AGBL4: variants seen among roughly 807,000 people sequenced by gnomAD.
The protein encoded by AGBL4 is cytosolic carboxypeptidase 6.
Under a neutral mutation model 66.4 loss-of-function variants are expected in AGBL4, and 58 were observed. The observed-to-expected ratio is 0.87, with a 90% CI of 0.71 to 1.09. The LOEUF is 1.09. AGBL4 is among the 50% of genes least tolerant of loss of function. The probability of loss-of-function intolerance (pLI) is 0.00; values close to 1 mark genes in which losing one functional copy is unlikely to be tolerated. For missense variants in AGBL4, 579 were observed against 631.0 expected (o/e 0.92, Z 0.88); for synonymous variants, 234 against 222.9 (o/e 1.05, Z -0.44).
intron 4 of AGBL4, among the ~76,000 whole-genome samples, chr1:49,207,521 TTCTC>T (rs1204596980): frequency 2.0e-5 from 3 of 149,184 alleles, no homozygotes; most frequent in East Asian, 2.0e-4. Context: ...CTTTCTTTCT[TTCTC>T]TCTTTCTTTT....
At chr1:49,054,205 G>T (rs1188088304) in intron 4 of AGBL4, among the ~76,000 whole-genome samples, 1 of 151,924 alleles carries the variant, frequency 6.6e-6, no homozygotes, top group East Asian at 1.9e-4. Flanking sequence ...ATTAGCAGAA[G>T]AACTAAAACC....
chr1:49,028,750 C>T (rs1663945213), intron 5 of AGBL4, among the ~76,000 whole-genome samples: 1 of 152,102 alleles, frequency 6.6e-6, no homozygotes, highest in East Asian at 1.9e-4. Flanking sequence ...TAGACAAAGA[C>T]ATTGCCAAAG....
At chr1:49,115,526 T>C (rs1645500451) in intron 4 of AGBL4, among the ~76,000 whole-genome samples, 1 of 152,090 alleles carries the variant, frequency 6.6e-6, no homozygotes, top group South Asian at 2.1e-4. Flanking sequence ...ATCCCAAAGC[T>C]GTTATCTACT....
At chr1:49,036,757 T>A (rs1664697383) in intron 5 of AGBL4, among the ~76,000 whole-genome samples, 1 of 149,924 alleles carries the variant, frequency 6.7e-6, no homozygotes, top group Admixed American at 6.7e-5. Flanking sequence ...TAATGAGGTC[T>A]CCCTATATTG....
chr1:48,700,714 G>C (rs1348652850), intron 6 of AGBL4, among the ~76,000 whole-genome samples: 3 of 152,132 alleles, frequency 2.0e-5, no homozygotes, highest in Non-Finnish European at 2.9e-5. Flanking sequence ...AAGAAGTTTT[G>C]ATCACCCACC....
intron 1 of AGBL4, among the ~76,000 whole-genome samples, chr1:49,857,210 T>C (rs764127787): frequency 6.6e-6 from 1 of 151,918 alleles, no homozygotes; most frequent in Non-Finnish European, 1.5e-5. Context: ...AAAACACTGA[T>C]GAATATAAAA....
intron 5 of AGBL4, among the ~76,000 whole-genome samples, chr1:49,035,814 T>A (rs568661795): frequency 6.6e-6 from 1 of 152,116 alleles, no homozygotes; most frequent in Non-Finnish European, 1.5e-5. Context: ...AAAGGGCATA[T>A]GAACAATTTC....
chr1:49,851,027 C>G, intron 2 of AGBL4, among the ~76,000 whole-genome samples: 1 of 152,034 alleles, frequency 6.6e-6, no homozygotes, highest in Non-Finnish European at 1.5e-5. Flanking sequence ...CCCCCTAAAA[C>G]TAAGTTCTAC....
chr1:49,192,286 A>G (rs1490546561), intron 4 of AGBL4, among the ~76,000 whole-genome samples: 2 of 152,060 alleles, frequency 1.3e-5, no homozygotes, highest in African/African-American at 4.8e-5. Flanking sequence ...CTTGTATGTC[A>G]ACATATAAAT....
chr1:48,704,489 A>T (rs1401821507), intron 6 of AGBL4, among the ~76,000 whole-genome samples: 2 of 152,204 alleles, frequency 1.3e-5, no homozygotes, highest in East Asian at 3.8e-4. Flanking sequence ...ATACAAACAC[A>T]TTGTACTCCT....
rs77465819 is a variant in AGBL4 at position 48,751,524 on chromosome 1, C to T, written c.635-88283G>A. On this transcript the variant is annotated intron_variant, in intron 6 of 13. Coordinates refer to ENST00000371839, the MANE Select transcript of AGBL4 (RefSeq NM_032785.4). ...CTAATCTCTCTGAGCCTGTTTTATC[C>T]ACTGCTGAGGTTGTTTTATATATGG... Among the ~76,000 whole-genome samples, 523 of 152,278 alleles carry T rather than the reference C, an allele frequency of 3.4e-3. 7 individuals are homozygous for T. Among genetic ancestry groups the T allele is most frequent in the Non-Finnish European group, 6.4e-3 (437 of 68,008 alleles).
In AGBL4 at chr1:48,589,099, G is replaced by C. The variant is rs138891517; in HGVS notation, c.1104+1734C>G. 1.1e-3 allele frequency among the ~76,000 whole-genome samples: 167 copies of C among 152,250 alleles called. 1 individual carries two copies. Among genetic ancestry groups the C allele is most frequent in the African/African-American group, 3.9e-3 (163 of 41,546 alleles). On this transcript the variant is annotated intron_variant, in intron 10 of 13. Coordinates refer to ENST00000371839, the MANE Select transcript of AGBL4 (RefSeq NM_032785.4). ...TCTGAAATTGCAGTGGTCTCAAATA[G>C]ACAGGGCCATCCTATAGAGATTCTT...
chr1:49,338,497 T>C (rs1645479545), intron 3 of AGBL4, among the ~76,000 whole-genome samples: 2 of 152,164 alleles, frequency 1.3e-5, no homozygotes, highest in African/African-American at 4.8e-5. Context: ...AGAGTAGAGA[T>C]GGGTTTTATT....
At chr1:48,818,231 A>G in intron 6 of AGBL4, 1 of 717,486 alleles carries the variant, frequency 1.4e-6, no homozygotes, top group Non-Finnish European at 2.6e-6. Flanking sequence ...AGCTGCGTAA[A>G]TTAGTTAATT....
intron 1 of AGBL4, among the ~76,000 whole-genome samples, chr1:50,001,611 A>G (rs1418152333): frequency 1.3e-5 from 2 of 152,142 alleles, no homozygotes; most frequent in Non-Finnish European, 2.9e-5. Flanking sequence ...TCAGTGAAGC[A>G]GACTAAAAAT....
At chr1:49,637,399 C>G (rs11205634) in intron 3 of AGBL4, among the ~76,000 whole-genome samples, 18,820 of 151,910 alleles carry the variant, frequency 0.12, 1,687 homozygotes, top group African/African-American at 0.25. Flanking sequence ...CTCCCAGGTT[C>G]AAGCAATTCT....
intron 2 of AGBL4, among the ~76,000 whole-genome samples, chr1:49,780,015 A>G (rs969728202): frequency 1.3e-4 from 20 of 152,208 alleles, no homozygotes; most frequent in African/African-American, 4.8e-4. Context: ...AATGGAGGGC[A>G]CTTTTGCCTC....
At chr1:49,945,938 G>C (rs1655166401) in intron 1 of AGBL4, among the ~76,000 whole-genome samples, 1 of 151,804 alleles carries the variant, frequency 6.6e-6, no homozygotes, top group African/African-American at 2.4e-5. Context: ...ACAGACTTTA[G>C]AGCAAAAGTT....
At chr1:49,136,989 C>T (rs1251009391) in intron 4 of AGBL4, among the ~76,000 whole-genome samples, 1 of 152,072 alleles carries the variant, frequency 6.6e-6, no homozygotes, top group African/African-American at 2.4e-5. Flanking sequence ...TTTTTGTTCC[C>T]CCATTAGTTC....
Sources: allele counts gnomAD v4.1 joint callset (sites outside exome capture counted in the v4.1 genomes callset), GRCh38; gene constraint gnomAD v4.1.1; transcripts MANE v1.5; gene names NCBI Gene and HGNC (gene_info 2026-07-23, HGNC 2026-07-21).